Variants in MTUS2 observed in about 807,000 individuals in gnomAD.
The protein encoded by MTUS2 is microtubule associated scaffold protein 2, also known as microtubule-associated tumor suppressor candidate 2.
In MTUS2, 40 loss-of-function variants were observed where a neutral mutation model predicts 114.1. That is an observed-to-expected ratio of 0.35 (90% CI 0.27 to 0.46). The LOEUF is 0.46. Ranked by LOEUF, MTUS2 falls within the 20% of genes least tolerant of loss-of-function variation. The probability of loss-of-function intolerance (pLI) is 1.00; values close to 1 mark genes in which losing one functional copy is unlikely to be tolerated. For synonymous variants in MTUS2, 688 were observed against 672.0 expected (o/e 1.02, Z -0.37); for missense variants, 1,679 against 1,705.4 (o/e 0.98, Z 0.27).
intron 7 of MTUS2, among the ~76,000 whole-genome samples, chr13:29,354,798 G>T (rs918274921): frequency 5.3e-5 from 8 of 152,168 alleles, no homozygotes; most frequent in African/African-American, 1.7e-4. Flanking sequence ...GGAAAATAGT[G>T]GGCCACTGGG....
At chr13:28,846,046 TAA>T (rs34933871) in intron 2 of MTUS2, among the ~76,000 whole-genome samples, 26 of 120,020 alleles carry the variant, frequency 2.2e-4, no homozygotes, top group African/African-American at 7.3e-4. Flanking sequence ...GTCTTTTTCT[TAA>T]AAAAAAAATA....
At chr13:29,399,653 A>C (rs992737412) in intron 8 of MTUS2, among the ~76,000 whole-genome samples, 1 of 152,206 alleles carries the variant, frequency 6.6e-6, no homozygotes, top group Non-Finnish European at 1.5e-5. Flanking sequence ...AAAAATATCA[A>C]AGATGTTAAG....
At chr13:29,440,183 G>C in intron 9 of MTUS2, 134 bp downstream of exon 9, 3 of 813,048 alleles carry the variant, frequency 3.7e-6, no homozygotes, top group Non-Finnish European at 5.9e-6. Flanking sequence ...ATCTCACCCA[G>C]CACAGTGGTG....
intron 7 of MTUS2, among the ~76,000 whole-genome samples, chr13:29,351,054 A>C (rs755838457): frequency 6.6e-6 from 1 of 151,144 alleles, no homozygotes; most frequent in Non-Finnish European, 1.5e-5. Context: ...ATTGAGGGCA[A>C]GTGTAGGGTC....
chr13:29,213,193 ATG>A (rs1426939886), intron 5 of MTUS2, among the ~76,000 whole-genome samples: 2 of 152,114 alleles, frequency 1.3e-5, no homozygotes, highest in African/African-American at 4.8e-5. Flanking sequence ...CCAAATATAT[ATG>A]TTTCTTATTA....
chr13:29,023,683 CT>C (rs1886387141), intron 2 of MTUS2, among the ~76,000 whole-genome samples: 2 of 152,126 alleles, frequency 1.3e-5, no homozygotes, highest in African/African-American at 4.8e-5. Context: ...TAATAATATC[CT>C]TTGCTAACAT....
At position 29,264,490 on chromosome 13, in the gene MTUS2, C is replaced by T. The variant is rs528958536; in HGVS notation, c.2645-17214C>T. 2.6e-3 allele frequency among the ~76,000 whole-genome samples: 391 copies of T among 152,372 alleles called. 2 individuals are homozygous for T. The highest frequency in any genetic ancestry group is 8.5e-3 in the African/African-American group (352 of 41,596). On this transcript the variant is annotated intron_variant, in intron 5 of 15. Coordinates refer to ENST00000612955, the MANE Select transcript of MTUS2 (RefSeq NM_001033602.4). ...GTGTGGATGCTCCAACCCCACATTT[C>T]CCATTGGCTCTGCCCTAGTAGAGGT... is the stretch of plus-strand genomic sequence containing the variant.
intron 8 of MTUS2, among the ~76,000 whole-genome samples, chr13:29,369,233 A>G (rs1870995726): frequency 1.3e-5 from 2 of 152,184 alleles, no homozygotes; most frequent in African/African-American, 2.4e-5. Context: ...CAAACGGTTT[A>G]TTTAGCAAAG....
intron 2 of MTUS2, among the ~76,000 whole-genome samples, chr13:28,892,565 A>G (rs1341519216): frequency 1.3e-5 from 2 of 152,224 alleles, no homozygotes; most frequent in Non-Finnish European, 1.5e-5. Context: ...TTTAATTTTT[A>G]CTTCAGATTG....
chr13:29,470,920 G>T (rs2138840801), intron 9 of MTUS2, among the ~76,000 whole-genome samples: 1 of 152,244 alleles, frequency 6.6e-6, no homozygotes, highest in South Asian at 2.1e-4. Flanking sequence ...TGTTTGAATG[G>T]TGTCTTCTCC....
chr13:28,932,791 T>A (rs1881686065), intron 2 of MTUS2, among the ~76,000 whole-genome samples: 1 of 152,180 alleles, frequency 6.6e-6, no homozygotes, highest in Non-Finnish European at 1.5e-5. Context: ...GTGCTTGTCT[T>A]CCCTTCTGTA....
At chr13:29,027,016 C>T in intron 3 of MTUS2, 113 bp downstream of exon 3, 1 of 1,112,552 alleles carries the variant, frequency 9.0e-7, no homozygotes, top group Non-Finnish European at 1.2e-6. Context: ...TACAGATTTT[C>T]ATGGATACAC....
intron 7 of MTUS2, among the ~76,000 whole-genome samples, chr13:29,357,687 CAAGT>C (rs377083675): frequency 1.3e-3 from 192 of 152,280 alleles, no homozygotes; most frequent in East Asian, 4.4e-3. Context: ...CTACAACAAG[CAAGT>C]GAGTTTTCTG....
chr13:28,945,299 C>T (rs1415089789), intron 2 of MTUS2, among the ~76,000 whole-genome samples: 13 of 151,768 alleles, frequency 8.6e-5, no homozygotes, highest in African/African-American at 1.9e-4. Context: ...GGGAAGGTAT[C>T]TTCGATATAA....
Position 29,290,623 on chromosome 13 carries a change from C to T in MTUS2, c.2806+8758C>T, listed in dbSNP as rs971421012. ...GGGATTACAGGCGTTAACCACCACG[C>T]CTGGCCAGGAACATCTCTTACACCC... On this transcript the variant is annotated intron_variant, in intron 6 of 15. Transcript: ENST00000612955. Among the ~76,000 whole-genome samples the T allele has an allele frequency of 7.2e-5, 11 of 152,294 alleles. No homozygotes were observed. In the South Asian group the frequency reaches 1.0e-3, roughly 14 times the overall value.
At chr13:29,186,153 G>A (rs1221343306) in intron 5 of MTUS2, among the ~76,000 whole-genome samples, 1 of 152,228 alleles carries the variant, frequency 6.6e-6, no homozygotes, top group East Asian at 1.9e-4. Flanking sequence ...GATAAAGGCT[G>A]CAGTGAGCTG....
intron 2 of MTUS2, among the ~76,000 whole-genome samples, chr13:28,930,206 T>C (rs1325915868): frequency 1.3e-5 from 2 of 152,246 alleles, no homozygotes; most frequent in Non-Finnish European, 2.9e-5. Context: ...AATTATCTTT[T>C]AAATAGAAGA....
intron 2 of MTUS2, among the ~76,000 whole-genome samples, chr13:28,922,303 G>C (rs1881086811): frequency 6.6e-6 from 1 of 152,170 alleles, no homozygotes; most frequent in African/African-American, 2.4e-5. Context: ...CCCAGTCTCA[G>C]GTATTTCTTT....
intron 2 of MTUS2, among the ~76,000 whole-genome samples, chr13:28,907,758 A>G (rs970785673): frequency 2.0e-5 from 3 of 151,646 alleles, no homozygotes; most frequent in Non-Finnish European, 4.4e-5. Flanking sequence ...TAACGCAAGT[A>G]CTGAGTGACC....
Sources: gnomAD v4.1 joint callset for allele counts (sites outside exome capture counted in the v4.1 genomes callset) on GRCh38, gnomAD v4.1.1 for gene constraint, MANE v1.5 for transcripts, NCBI Gene and HGNC (gene_info 2026-07-23, HGNC 2026-07-21) for gene names.